Variants in DENND4A observed in about 807,000 individuals in gnomAD.
The protein encoded by DENND4A is DENN domain containing 4A.
DENND4A carries 70 observed loss-of-function variants against 199.3 expected under a neutral mutation model. The observed-to-expected ratio is 0.35, with a 90% CI of 0.29 to 0.43. The LOEUF is 0.43. DENND4A is among the 20% of genes least tolerant of loss of function. The probability of loss-of-function intolerance (pLI) is 1.00; values close to 1 mark genes in which losing one functional copy is unlikely to be tolerated. For synonymous variants in DENND4A, 686 were observed against 766.9 expected (o/e 0.89, Z 1.74); for missense variants, 1,723 against 2,255.8 (o/e 0.76, Z 4.78).
chr15:65,758,114 C>T (rs1036214760), intron 2 of DENND4A, among the ~76,000 whole-genome samples: 7 of 152,100 alleles, frequency 4.6e-5, no homozygotes, highest in African/African-American at 1.7e-4. Flanking sequence ...TCCAAAACTA[C>T]AAAAATGCAT....
chr15:65,783,520 C>T (rs909888348), intron 1 of DENND4A, among the ~76,000 whole-genome samples: 19 of 152,134 alleles, frequency 1.2e-4, no homozygotes, highest in African/African-American at 4.6e-4. Flanking sequence ...GATATTCCAA[C>T]AGCAATGAGC....
intron 23 of DENND4A, among the ~76,000 whole-genome samples, chr15:65,687,917 T>C (rs547575632): frequency 2.9e-4 from 44 of 152,330 alleles, no homozygotes; most frequent in African/African-American, 1.0e-3. Flanking sequence ...CTTGTATCTA[T>C]AAATCTGTAT....
intron 1 of DENND4A, among the ~76,000 whole-genome samples, chr15:65,774,868 C>CTTTT (rs397854207): frequency 8.9e-6 from 1 of 112,062 alleles, no homozygotes; most frequent in Non-Finnish European, 1.8e-5. Context: ...CAAATGTTTA[C>CTTTT]TTTTTTTTTT....
rs769272609 is a variant in DENND4A, at chr15:65,690,387, A to G, written c.4179+28T>C. 12 of 1,530,722 alleles carry G rather than the reference A, an allele frequency of 7.8e-6. No homozygotes were observed. The East Asian group carries it at 2.0e-4, about 26-fold the overall frequency. 94.8% of individuals were successfully genotyped at this position (1,530,722 alleles called of 1,614,324 possible). A position where few individuals can be genotyped will look rare whatever the true frequency, so the allele number is the denominator to read the frequency against. Reference sequence around the variant, plus strand: ...GTGATGGATATGTGTGTGTGACAGTAAAAGTAGCAAATACTAACCAAACTT... The same window carrying G: ...GTGATGGATATGTGTGTGTGACAGTGAAAGTAGCAAATACTAACCAAACTT... On this transcript the variant is annotated intron_variant, in intron 23 of 32. Coordinates refer to ENST00000443035, the MANE Select transcript of DENND4A (RefSeq NM_001320835.1).
At chr15:65,735,368 A>G (rs964946953) in intron 7 of DENND4A, among the ~76,000 whole-genome samples, 4 of 152,032 alleles carry the variant, frequency 2.6e-5, no homozygotes, top group Admixed American at 2.0e-4. Flanking sequence ...ACAGAACCAG[A>G]CTCTGTGTCA....
chr15:65,740,625 T>C (rs1375624816), intron 5 of DENND4A, among the ~76,000 whole-genome samples: 1 of 148,826 alleles, frequency 6.7e-6, no homozygotes, highest in Admixed American at 6.7e-5. Flanking sequence ...CAAAACCTTG[T>C]CTTTAAAAGA....
chr15:65,729,291 T>G (rs1055829529), intron 10 of DENND4A, 44 bp from the exon 11 acceptor site: 2 of 1,538,496 alleles, frequency 1.3e-6, no homozygotes, highest in African/African-American at 2.7e-5. Flanking sequence ...TTTTTAACAC[T>G]GAAGCATAAT....
rs2076158355 is a variant in DENND4A, at chr15:65,737,909, A to C, written c.838T>G (p.Ser280Ala). 2.5e-6 allele frequency: 4 copies of C among 1,599,108 alleles called. No homozygotes were observed. The African/African-American group carries it at 4.0e-5, about 16-fold the overall frequency. ...TGCTTTTCTGTGAGATTCTCCTCAG[A>C]GTATGGTTCATAAAACTGAATAGCA... ...GAAIQFYEPY[S>A]EENLTEKQRL... is the part of the protein sequence containing the mutation. The change falls in exon 7 of 33, where the codon TCT becomes GCT. Residue 280 changes from serine to alanine, a missense_variant. This residue lies in a region of DENND4A where 725 missense variants were observed against 952.9 expected (regional missense o/e 0.76). Transcript: ENST00000443035.
chr15:65,665,142 CA>C (rs879878972), intron 30 of DENND4A: 51 of 466,480 alleles, frequency 1.1e-4, no homozygotes, highest in South Asian at 5.4e-4. Flanking sequence ...AAACAAAAAA[CA>C]AAAAAAAACC....
At chr15:65,727,843 A>G (rs1186581305) in intron 11 of DENND4A, 5 of 401,372 alleles carry the variant, frequency 1.2e-5, no homozygotes, top group Non-Finnish European at 1.9e-5. Context: ...GGCTTTAAAA[A>G]TAGTTCCGAT....
At chr15:65,726,537 G>A (rs1253294449) in intron 11 of DENND4A, among the ~76,000 whole-genome samples, 1 of 152,006 alleles carries the variant, frequency 6.6e-6, no homozygotes, top group African/African-American at 2.4e-5. Context: ...TATTTTCTTG[G>A]TTAGGCTTTC....
At chr15:65,707,027 TAAG>T (rs941787053) in intron 14 of DENND4A, among the ~76,000 whole-genome samples, 13 of 152,290 alleles carry the variant, frequency 8.5e-5, no homozygotes, top group African/African-American at 2.6e-4. Flanking sequence ...GTCTGTGTGA[TAAG>T]AATAGTGAAT....
chr15:65,728,632 C>T (rs937411529), intron 11 of DENND4A, among the ~76,000 whole-genome samples: 24 of 151,452 alleles, frequency 1.6e-4, no homozygotes, highest in African/African-American at 5.8e-4. Context: ...TCCAGGCATG[C>T]GCCACCACGC....
In DENND4A at chr15:65,701,983, C is replaced by A. The variant is rs2074886386; in HGVS notation, c.2431-93G>T. 20 of 1,545,656 alleles carry A rather than the reference C, an allele frequency of 1.3e-5. No individual in the cohort carries two copies. The South Asian group carries it at 1.9e-4, about 15-fold the overall frequency. On this transcript the variant is annotated intron_variant, in intron 17 of 32. Transcript: ENST00000443035. ...AATGCATTTTAAACAATAATTGTGG[C>A]AGGGCACAGTGGCTCATGCCTGTAA... is the stretch of plus-strand genomic sequence containing the variant.
chr15:65,757,547 A>G (rs117359251), intron 2 of DENND4A, among the ~76,000 whole-genome samples: 2,086 of 152,286 alleles, frequency 0.014, 28 homozygotes, highest in Non-Finnish European at 0.021. Context: ...ACAGGGAGAT[A>G]ATAAAGTTGT....
At chr15:65,735,931 A>G (rs2140431183) in intron 7 of DENND4A, among the ~76,000 whole-genome samples, 1 of 152,292 alleles carries the variant, frequency 6.6e-6, no homozygotes, top group South Asian at 2.1e-4. Flanking sequence ...ATCTCTACCA[A>G]AAATACAAAA....
At chr15:65,765,709 C>T (rs2076966840) in intron 1 of DENND4A, among the ~76,000 whole-genome samples, 1 of 152,154 alleles carries the variant, frequency 6.6e-6, no homozygotes, top group Non-Finnish European at 1.5e-5. Context: ...ACAAGGATCC[C>T]TAGTATTGCC....
chr15:65,732,873 A>G, intron 7 of DENND4A, 55 bp from the exon 8 acceptor site: 1 of 1,068,152 alleles, frequency 9.4e-7, no homozygotes, highest in African/African-American at 1.6e-5. Flanking sequence ...TATGCTATAA[A>G]GCTCAACATG....
Position 65,733,654 on chromosome 15 carries a change from G to A in DENND4A, c.1041-836C>T, listed in dbSNP as rs139961104. ...AAAGCCACCAATGTCTACCATTAAT[G>A]TGGGGAAAAGCAAGAGAGATCAGAT... On this transcript the variant is annotated intron_variant, in intron 7 of 32. Transcript: ENST00000443035. Among the ~76,000 whole-genome samples the A allele has an allele frequency of 3.1e-3, 467 of 152,314 alleles. 2 individuals carry two copies. The highest frequency in any genetic ancestry group is 0.011 in the African/African-American group (448 of 41,560).
Sources: allele counts gnomAD v4.1 joint callset (sites outside exome capture counted in the v4.1 genomes callset), GRCh38; gene constraint gnomAD v4.1.1; regional missense constraint gnomAD v4.1.1; transcripts MANE v1.5; gene names NCBI Gene and HGNC (gene_info 2026-07-23, HGNC 2026-07-21).